KAZN: variants seen among roughly 807,000 people sequenced by gnomAD.
KAZN encodes the protein kazrin, periplakin interacting protein, also known as kazrin.
A neutral mutation model predicts 87.4 loss-of-function variants in KAZN; 40 were observed. The ratio of observed to expected loss-of-function variants is 0.46; its 90% confidence interval spans 0.36 to 0.60. The LOEUF is 0.60. Ranked by LOEUF, KAZN falls within the 20% of genes least tolerant of loss-of-function variation. The pLI, the probability that KAZN is intolerant of heterozygous loss-of-function variation, is 0.00. For missense variants in KAZN, 898 were observed against 1,073.9 expected, an observed-to-expected ratio of 0.84 and a Z score of 2.29; for synonymous variants, 466 against 458.3, an observed-to-expected ratio of 1.02 and a Z score of -0.22.
chr1:13,975,075 T>C lies in KAZN; in HGVS notation c.91+81319T>C, dbSNP rs373755124. Among the ~76,000 whole-genome samples, 12 of 152,160 alleles carry C rather than the reference T, an allele frequency of 7.9e-5. No individual in the cohort carries two copies. In the East Asian group the frequency reaches 1.9e-3, roughly 24 times the overall value. On this transcript the variant is annotated intron_variant, in intron 1 of 16. Coordinates refer to the KAZN transcript ENST00000636203. The stretch of plus-strand genomic sequence containing the variant: ...TCTAGGCACTGTGCTGGATTTTGGG[T>C]GTAGAGTGATAAGAACAGATGGGGA...
chr1:14,522,730 A>G (rs1473512828), intron 2 of KAZN, among the ~76,000 whole-genome samples: 2 of 150,108 alleles, frequency 1.3e-5, no homozygotes, highest in African/African-American at 5.1e-5. Flanking sequence ...TGTGTTGTAT[A>G]ACTCATCGGA....
intron 2 of KAZN, among the ~76,000 whole-genome samples, chr1:14,405,820 G>A (rs778727543): frequency 3.9e-5 from 6 of 152,018 alleles, no homozygotes; most frequent in Non-Finnish European, 7.4e-5. Context: ...CTGATGTTTC[G>A]GTGTGAAAGC....
intron 1 of KAZN, among the ~76,000 whole-genome samples, chr1:14,858,398 A>T (rs1277250374): frequency 6.6e-6 from 1 of 151,792 alleles, no homozygotes; most frequent in Non-Finnish European, 1.5e-5. Context: ...TTTTTAGTAG[A>T]GACGGGGTTT....
At chr1:14,600,384 C>T (rs955981679) in intron 1 of KAZN, among the ~76,000 whole-genome samples, 1 of 152,086 alleles carries the variant, frequency 6.6e-6, no homozygotes, top group African/African-American at 2.4e-5. Context: ...TCTCTGTTTC[C>T]ACCTTATCTT....
At chr1:14,208,186 A>C (rs1284879616) in intron 2 of KAZN, among the ~76,000 whole-genome samples, 1 of 152,178 alleles carries the variant, frequency 6.6e-6, no homozygotes, top group Admixed American at 6.5e-5. Flanking sequence ...TCCATCCCCT[A>C]AGGTGGAGGA....
intron 2 of KAZN, among the ~76,000 whole-genome samples, chr1:14,962,521 TC>T (rs199849726): frequency 0.017 from 2,639 of 152,256 alleles, 35 homozygotes; most frequent in Non-Finnish European, 0.028. Context: ...ACGCCCAGCT[TC>T]CCAGGATCCT....
At chr1:14,224,425 G>A (rs541725805) in intron 2 of KAZN, among the ~76,000 whole-genome samples, 44 of 152,284 alleles carry the variant, frequency 2.9e-4, no homozygotes, top group African/African-American at 1.0e-3. Context: ...GTTATTTGGT[G>A]TTTAATGATT....
chr1:13,933,756 A>G (rs1294885560), intron 1 of KAZN, among the ~76,000 whole-genome samples: 1 of 152,200 alleles, frequency 6.6e-6, no homozygotes, highest in Non-Finnish European at 1.5e-5. Flanking sequence ...TCATGAAGGC[A>G]TTGTGCTCAT....
chr1:14,087,553 T>G (rs917426734), intron 1 of KAZN, among the ~76,000 whole-genome samples: 4 of 152,134 alleles, frequency 2.6e-5, no homozygotes, highest in African/African-American at 9.6e-5. Flanking sequence ...AGGGGAAGCA[T>G]TCCACCTTTT....
chr1:14,186,863 C>T (rs1469856641), intron 2 of KAZN, among the ~76,000 whole-genome samples: 3 of 152,040 alleles, frequency 2.0e-5, no homozygotes, highest in Non-Finnish European at 4.4e-5. Flanking sequence ...AGAACTTTAC[C>T]CCTAACTCTC....
intron 2 of KAZN, among the ~76,000 whole-genome samples, chr1:14,213,453 C>T (rs1219868995): frequency 1.3e-5 from 2 of 152,112 alleles, no homozygotes; most frequent in Non-Finnish European, 2.9e-5. Context: ...AGTAGGGATT[C>T]ATGGAGATGT....
chr1:14,419,691 C>T (rs1029563803), intron 2 of KAZN, among the ~76,000 whole-genome samples: 12 of 152,174 alleles, frequency 7.9e-5, no homozygotes, highest in African/African-American at 1.7e-4. Context: ...TTTGTGATCT[C>T]GCTGGCTTCA....
At chr1:14,626,711 AG>A (rs1176013015) in intron 1 of KAZN, among the ~76,000 whole-genome samples, 1 of 152,008 alleles carries the variant, frequency 6.6e-6, no homozygotes, top group Non-Finnish European at 1.5e-5. Context: ...GTGGCTCCTG[AG>A]GCACCTCTGT....
chr1:14,021,205 T>C (rs1035029078), intron 1 of KAZN, among the ~76,000 whole-genome samples: 2 of 152,146 alleles, frequency 1.3e-5, no homozygotes, highest in African/African-American at 4.8e-5. Context: ...CACTCCCCAA[T>C]TATAACAACC....
intron 2 of KAZN, among the ~76,000 whole-genome samples, chr1:14,551,612 T>G (rs1245121018): frequency 3.3e-5 from 5 of 152,154 alleles, no homozygotes; most frequent in Non-Finnish European, 7.3e-5. Context: ...CCTTTCTAGG[T>G]CAAGGCCTCC....
At chr1:13,921,009 G>C (rs1188018528) in intron 1 of KAZN, among the ~76,000 whole-genome samples, 3 of 152,074 alleles carry the variant, frequency 2.0e-5, no homozygotes, top group African/African-American at 7.2e-5. Context: ...ACTTTTCTGT[G>C]TGCTCATTGT....
intron 1 of KAZN, among the ~76,000 whole-genome samples, chr1:13,941,562 G>C (rs758812260): frequency 3.0e-4 from 45 of 152,182 alleles, no homozygotes; most frequent in Non-Finnish European, 5.4e-4. Flanking sequence ...GGGATTGGTG[G>C]ATTCTGTCCC....
intron 2 of KAZN, among the ~76,000 whole-genome samples, chr1:14,299,072 G>A (rs1654340164): frequency 6.6e-6 from 1 of 152,318 alleles, no homozygotes. Flanking sequence ...CCATTCAACA[G>A]CTGTTTATTG....
At chr1:14,033,484 G>T (rs1444765340) in intron 1 of KAZN, among the ~76,000 whole-genome samples, 1 of 152,202 alleles carries the variant, frequency 6.6e-6, no homozygotes, top group Non-Finnish European at 1.5e-5. Flanking sequence ...CTCAGACATT[G>T]CCGTCTCCTG....
Sources: gnomAD v4.1 joint callset for allele counts (sites outside exome capture counted in the v4.1 genomes callset) on GRCh38, gnomAD v4.1.1 for gene constraint, MANE v1.5 for transcripts, NCBI Gene and HGNC (gene_info 2026-07-23, HGNC 2026-07-21) for gene names.